The following UNC5C variants were observed in gnomAD, a reference collection of about 807,000 sequenced individuals.
UNC5C encodes netrin receptor UNC5C.
A neutral mutation model predicts 99.8 loss-of-function variants in UNC5C; 47 were observed. That is an observed-to-expected ratio of 0.47 (90% CI 0.37 to 0.60). The LOEUF is 0.60. Ranked by LOEUF, UNC5C falls within the 20% of genes least tolerant of loss-of-function variation. The pLI is 0.00. For missense variants in UNC5C, 1,062 were observed against 1,165.9 expected, an observed-to-expected ratio of 0.91 and a Z score of 1.30; for synonymous variants, 487 against 452.2, an observed-to-expected ratio of 1.08 and a Z score of -0.98.
At chr4:95,185,897 T>C (rs139947908) in intron 12 of UNC5C, among the ~76,000 whole-genome samples, 2 of 152,334 alleles carry the variant, frequency 1.3e-5, no homozygotes, top group East Asian at 3.9e-4. Context: ...TCCAATTACA[T>C]TTTCAAAAGA....
At position 95,339,904 on chromosome 4, in the gene UNC5C, G is replaced by A. The variant is rs530616436; in HGVS notation, c.125-4273C>T. On this transcript the variant is annotated intron_variant, in intron 1 of 15. Transcript: ENST00000453304. ...AACGCATTTTTGATTTAGATGTAAC[G>A]CTATTATTCATTTTACCCTCCTCTG... Among the ~76,000 whole-genome samples, 11 of 152,046 alleles carry A rather than the reference G, an allele frequency of 7.2e-5. No individual in the cohort carries two copies. In the East Asian group the frequency reaches 1.4e-3, roughly 19 times the overall value.
At chr4:95,307,722 C>G (rs988596112) in intron 2 of UNC5C, among the ~76,000 whole-genome samples, 1 of 152,086 alleles carries the variant, frequency 6.6e-6, no homozygotes, top group South Asian at 2.1e-4. Context: ...AAATCATCAA[C>G]AAAATACTAA....
At chr4:95,287,917 C>T (rs1741294676) in intron 3 of UNC5C, among the ~76,000 whole-genome samples, 1 of 152,084 alleles carries the variant, frequency 6.6e-6, no homozygotes, top group Non-Finnish European at 1.5e-5. Context: ...GGGTATATAG[C>T]AGTGCCTTAG....
intron 1 of UNC5C, among the ~76,000 whole-genome samples, chr4:95,393,400 A>G (rs756087988): frequency 1.2e-4 from 18 of 152,198 alleles, no homozygotes; most frequent in Non-Finnish European, 2.4e-4. Context: ...GGGGAATATC[A>G]AGTAAAGAGG....
rs530178998 is a variant in UNC5C at position 95,504,904 on chromosome 4, A to C, written c.124+43830T>G. Among the ~76,000 whole-genome samples, 14 of 152,110 alleles carry C rather than the reference A, an allele frequency of 9.2e-5. No individual in the cohort carries two copies. The East Asian group carries it at 2.1e-3, about 23-fold the overall frequency. ...TAGTTTTTATGATCTTATGATATTA[A>C]TTTTTATTTTTTATACAATTGCTTT... On this transcript the variant is annotated intron_variant, in intron 1 of 15. Transcript: ENST00000453304.
At chr4:95,185,894 A>G (rs1736809813) in intron 12 of UNC5C, among the ~76,000 whole-genome samples, 1 of 152,218 alleles carries the variant, frequency 6.6e-6, no homozygotes, top group Non-Finnish European at 1.5e-5. Flanking sequence ...TACTCCAATT[A>G]CATTTTCAAA....
At position 95,169,250 on chromosome 4, in the gene UNC5C, G is replaced by A. The variant is rs751536528; in HGVS notation, c.2780C>T (p.Ala927Val). 1 of 1,614,090 alleles carries A rather than the reference G, an allele frequency of 6.2e-7. No individual in the cohort carries two copies. The highest frequency in any genetic ancestry group is 1.1e-5 in the South Asian group (1 of 91,064). The change falls in exon 16 of 16, where the codon GCA (alanine) becomes GTA (valine). Residue 927 changes from alanine to valine, a missense_variant. Physicochemically the swap from Ala to Val is moderately conservative, Grantham distance 64. Transcript: ENST00000453304. ...GCATGGTGGTTAATACTGCCCTTCT[G>A]CTGCTAAGGACACCACCGTTTCATG... The part of the protein sequence containing the change: ...GRHETVVSLA[A>V]EGQY
chr4:95,269,418 T>C (rs1326188162), intron 4 of UNC5C, among the ~76,000 whole-genome samples: 3 of 152,118 alleles, frequency 2.0e-5, no homozygotes, highest in Middle Eastern at 3.2e-3. Flanking sequence ...CCTCAGTTCC[T>C]GGAGTAGCAC....
intron 10 of UNC5C, among the ~76,000 whole-genome samples, chr4:95,207,345 A>T (rs549070846): frequency 9.9e-5 from 15 of 152,222 alleles, no homozygotes; most frequent in Non-Finnish European, 2.1e-4. Context: ...ACTAGAAATA[A>T]TATAGAACTG....
intron 1 of UNC5C, among the ~76,000 whole-genome samples, chr4:95,422,347 G>A (rs1746343456): frequency 6.6e-6 from 1 of 152,158 alleles, no homozygotes; most frequent in Non-Finnish European, 1.5e-5. Flanking sequence ...CACTAATGGA[G>A]CTTATCACTC....
rs78475661 is a variant in UNC5C at position 95,542,746 on chromosome 4, T to C, written c.124+5988A>G. ...GAGTCCAAATATCTGCAACATGATA[T>C]ATGTTTTGGGTTTTCATGAAAAGGC... is the stretch of plus-strand genomic sequence containing the variant. On this transcript the variant is annotated intron_variant, in intron 1 of 15. Coordinates refer to ENST00000453304, the MANE Select transcript of UNC5C (RefSeq NM_003728.4). 1.7e-3 allele frequency among the ~76,000 whole-genome samples: 256 copies of C among 152,200 alleles called. 5 individuals carry two copies. The East Asian group carries it at 0.043, about 25-fold the overall frequency.
Position 95,337,952 on chromosome 4 carries a change from C to T in UNC5C, c.125-2321G>A, listed in dbSNP as rs570749630. Among the ~76,000 whole-genome samples the T allele has an allele frequency of 1.1e-4, 16 of 152,118 alleles. 1 individual carries two copies. Among genetic ancestry groups the T allele is most frequent in the African/African-American group, 3.9e-4 (16 of 41,548 alleles). On this transcript the variant is annotated intron_variant, in intron 1 of 15. Transcript: ENST00000453304. ...TCCTATAATATTCACAAAGTAAAGTCAAGCCTATGCCCTGGATGAATTCCT... is the reference window on the plus strand; with the variant it reads ...TCCTATAATATTCACAAAGTAAAGTTAAGCCTATGCCCTGGATGAATTCCT...
chr4:95,507,856 A>G (rs888351299), intron 1 of UNC5C, among the ~76,000 whole-genome samples: 4 of 152,004 alleles, frequency 2.6e-5, no homozygotes, highest in African/African-American at 9.7e-5. Context: ...CTTGTTGTTA[A>G]TGCTACCATC....
At chr4:95,545,948 C>G (rs1723049464) in intron 1 of UNC5C, among the ~76,000 whole-genome samples, 2 of 152,192 alleles carry the variant, frequency 1.3e-5, no homozygotes, top group African/African-American at 4.8e-5. Context: ...TTCCCAAGGA[C>G]CTATTGAAAA....
At chr4:95,194,505 G>A (rs1432645274) in intron 12 of UNC5C, among the ~76,000 whole-genome samples, 1 of 152,106 alleles carries the variant, frequency 6.6e-6, no homozygotes, top group Non-Finnish European at 1.5e-5. Context: ...AGCCCCGAGA[G>A]GAGAATCTGT....
chr4:95,368,241 G>A (rs1429565025), intron 1 of UNC5C, among the ~76,000 whole-genome samples: 1 of 147,552 alleles, frequency 6.8e-6, no homozygotes, highest in African/African-American at 2.5e-5. Context: ...AAGTCTATGT[G>A]CTTTTCCTGT....
At chr4:95,400,424 C>T (rs1156960692) in intron 1 of UNC5C, among the ~76,000 whole-genome samples, 2 of 112,472 alleles carry the variant, frequency 1.8e-5, no homozygotes, top group Admixed American at 1.3e-4. Context: ...GACGGAGTCT[C>T]GTTCTGTCAC....
chr4:95,386,200 T>G (rs893882213), intron 1 of UNC5C, among the ~76,000 whole-genome samples: 4 of 152,128 alleles, frequency 2.6e-5, no homozygotes, highest in Non-Finnish European at 4.4e-5. Context: ...CTAACTGAGT[T>G]CTTTGACACA....
intron 1 of UNC5C, among the ~76,000 whole-genome samples, chr4:95,521,665 C>T (rs1722361736): frequency 6.6e-6 from 1 of 152,126 alleles, no homozygotes; most frequent in African/African-American, 2.4e-5. Flanking sequence ...TGTGGAGAGA[C>T]ACAAACATTC....
Sources: gnomAD v4.1 joint callset for allele counts (sites outside exome capture counted in the v4.1 genomes callset) on GRCh38, gnomAD v4.1.1 for gene constraint, MANE v1.5 for transcripts, NCBI Gene and HGNC (gene_info 2026-07-23, HGNC 2026-07-21) for gene names.